REXO5: variants seen among roughly 807,000 people sequenced by gnomAD.
The protein encoded by REXO5 is exonuclease NEF-sp.
Under a neutral mutation model 88.5 loss-of-function variants are expected in REXO5, and 48 were observed. That is an observed-to-expected ratio of 0.54 (90% CI 0.43 to 0.69). The LOEUF is 0.69. Among genes scored for constraint, REXO5 ranks in the 30% least tolerant of loss-of-function variants. The probability of loss-of-function intolerance (pLI) is 0.00; values close to 1 mark genes in which losing one functional copy is unlikely to be tolerated. For synonymous variants in REXO5, 311 were observed against 336.5 expected, an observed-to-expected ratio of 0.92 and a Z score of 0.83; for missense variants, 749 against 912.2, an observed-to-expected ratio of 0.82 and a Z score of 2.30.
At chr16:20,844,868 A>G in intron 17 of REXO5, 23 bp downstream of exon 17, 1 of 1,603,022 alleles carries the variant, frequency 6.2e-7, no homozygotes, top group Non-Finnish European at 8.5e-7. Flanking sequence ...TACTGAATGT[A>G]GCTTTGGGGA....
At chr16:20,846,381 G>A in intron 19 of REXO5, 42 bp downstream of exon 19, 2 of 1,437,212 alleles carry the variant, frequency 1.4e-6, no homozygotes, top group Non-Finnish European at 2.0e-6. Context: ...TCTGTCCCCT[G>A]GATTTCAGCT....
At chr16:20,811,223 C>T (rs748716568) in intron 2 of REXO5, among the ~76,000 whole-genome samples, 8 of 152,186 alleles carry the variant, frequency 5.3e-5, no homozygotes, top group East Asian at 1.9e-4. Context: ...GGTTACTCAC[C>T]GCCATATAGA....
chr16:20,845,228 A>G lies in REXO5; in HGVS notation c.2111A>G (p.Gln704Arg), dbSNP rs1364951855. Residue 704 changes from glutamine to arginine, a missense_variant, in exon 18 of 20, where the codon CAG (glutamine) becomes CGG (arginine). Coordinates refer to ENST00000261377, the MANE Select transcript of REXO5 (RefSeq NM_030941.3). ...CGTGTTGTACCTCCCCCCTTTGAAC[A>G]GGAGGCCTTGCAGGTGAGTGAGTGA... ...GLRVVPPPFE[Q>R]EALQTLKLDH... is the part of the protein sequence containing the mutation. 2 of 1,612,658 alleles carry G rather than the reference A, an allele frequency of 1.2e-6. No individual in the cohort carries two copies. Among genetic ancestry groups the G allele is most frequent in the Non-Finnish European group, 1.7e-6 (2 of 1,179,526 alleles).
At chr16:20,806,522 C>T (rs1195690115), upstream of REXO5, 3 of 1,535,744 alleles carry the variant, frequency 2.0e-6, no homozygotes, top group Non-Finnish European at 2.6e-6. Context: ...GGCTGAGGGG[C>T]GGTTGTTGTT....
At chr16:20,828,180 A>G (rs2081286204) in intron 10 of REXO5, among the ~76,000 whole-genome samples, 1 of 152,194 alleles carries the variant, frequency 6.6e-6, no homozygotes. Context: ...GGAGTCAGCC[A>G]GAAACTTTTT....
At chr16:20,825,195 C>T (rs2081242496) in intron 7 of REXO5, among the ~76,000 whole-genome samples, 1 of 152,098 alleles carries the variant, frequency 6.6e-6, no homozygotes, top group Admixed American at 6.5e-5. Context: ...TGCTTAAGTT[C>T]CCCTCGTGCT....
Position 20,832,999 on chromosome 16 carries a change from A to C in REXO5, c.1263-4A>C, listed in dbSNP as rs761996919. 30 of 1,610,980 alleles carry C rather than the reference A, an allele frequency of 1.9e-5. No homozygotes were observed. Among genetic ancestry groups the C allele is most frequent in the Middle Eastern group, 1.8e-4 (1 of 5,682 alleles). ...CTTACCTTAACTCTTCTACTTCTTT[A>C]TAGTGTTTTAGAATGCTTGGATTCA... On this transcript the variant is annotated splice_polypyrimidine_tract_variant and splice_region_variant and intron_variant, in intron 12 of 19. Transcript: ENST00000261377.
At chr16:20,813,466 C>T (rs1180935667) in intron 3 of REXO5, among the ~76,000 whole-genome samples, 164 bp downstream of exon 3, 1 of 151,408 alleles carries the variant, frequency 6.6e-6, no homozygotes, top group African/African-American at 2.4e-5. Flanking sequence ...TGATGGCTGC[C>T]AAGTGTTAAT....
chr16:20,807,130 T>G (rs2152497543), intron 2 of REXO5, 39 bp downstream of exon 2: 4 of 1,571,660 alleles, frequency 2.5e-6, no homozygotes, highest in South Asian at 1.2e-5. Flanking sequence ...CCCTAGGCGG[T>G]TTGGAGCTCC....
intron 2 of REXO5, 72 bp downstream of exon 2, chr16:20,807,163 C>CG: frequency 6.6e-7 from 1 of 1,519,782 alleles, no homozygotes; most frequent in South Asian, 1.3e-5. Flanking sequence ...CAACCGCCGT[C>CG]GGGGGCACTG....
In REXO5 at chr16:20,846,328, A is replaced by G. The variant is rs1342327770; in HGVS notation, c.2232A>G (p.Pro744=). Residue 744 remains proline, a synonymous_variant, in exon 19 of 20, where the codon CCA becomes CCG. Coordinates refer to ENST00000261377, the MANE Select transcript of REXO5 (RefSeq NM_030941.3). ...CPGTLCLILL[P]GTKSTHGSLS... is the part of the protein sequence containing the mutation. ...GCACTCTCTGCCTCATCCTGCTGCC[A>G]GGAACCAAGAGGTAAGGACTAGAAA... The G allele has an allele frequency of 6.2e-7, 1 of 1,612,804 alleles. No individual in the cohort carries two copies. Among genetic ancestry groups the G allele is most frequent in the Non-Finnish European group, 8.5e-7 (1 of 1,178,820 alleles).
Position 20,845,185 on chromosome 16 carries a change from A to G in REXO5, c.2068A>G (p.Thr690Ala). The change falls in exon 18 of 20, where the codon ACA (threonine) becomes GCA (alanine). Residue 690 changes from threonine to alanine, a missense_variant. Coordinates refer to ENST00000261377, the MANE Select transcript of REXO5 (RefSeq NM_030941.3). ...GCTCAGAGGCTTACCACCTGAATCA[A>G]CAAGGCTCCCAGGGCTTCGTGTTGT... ...AWLRGLPPESTRLPGLRVVPP... is the reference protein window; with the variant it reads ...AWLRGLPPESARLPGLRVVPP... 6.2e-7 allele frequency: 1 copy of G among 1,614,060 alleles called. No individual in the cohort carries two copies.
intron 11 of REXO5, among the ~76,000 whole-genome samples, chr16:20,830,354 T>G (rs1478578392): frequency 7.1e-6 from 1 of 141,684 alleles, no homozygotes; most frequent in Admixed American, 7.0e-5. Flanking sequence ...ACCTTGCTAA[T>G]TTTTTTTTTT....
chr16:20,815,509 T>G (rs1427522567), intron 4 of REXO5, among the ~76,000 whole-genome samples: 1 of 150,740 alleles, frequency 6.6e-6, no homozygotes, highest in African/African-American at 2.4e-5. Context: ...GCATTTGAGT[T>G]GGTGAGCCCT....
chr16:20,845,143 A>G lies in REXO5; in HGVS notation c.2026A>G (p.Arg676Gly), dbSNP rs751526122. ...GAAAGGCAGGCATGCCCTAACCCCC[A>G]GGCACCTCCATGCCTGGCTCAGAGG... is the stretch of plus-strand genomic sequence containing the variant. ...KLKGRHALTPRHLHAWLRGLP... is the reference protein window; with the variant it reads ...KLKGRHALTPGHLHAWLRGLP... The change falls in exon 18 of 20, where the codon AGG becomes GGG. Residue 676 changes from arginine (R) to glycine (G), a missense_variant. Arg to Gly is a moderately radical substitution (Grantham distance 125, BLOSUM62 -2). Coordinates refer to ENST00000261377, the MANE Select transcript of REXO5 (RefSeq NM_030941.3). 1.2e-6 allele frequency: 2 copies of G among 1,614,168 alleles called. No homozygotes were observed. The highest frequency in any genetic ancestry group is 4.5e-5 in the East Asian group (2 of 44,884).
rs1313244807 is a variant in REXO5 at position 20,825,959 on chromosome 16, C to T, written c.821+11C>T. The T allele has an allele frequency of 1.9e-6, 3 of 1,563,652 alleles. No homozygotes were observed. Among genetic ancestry groups the T allele is most frequent in the African/African-American group, 1.3e-5 (1 of 74,092 alleles). ...GGACTACCTCACCAGGTATTTTTCACCTTGCCTGCAGCTCTTCTAAGAGCT... is the reference window on the plus strand; with the variant it reads ...GGACTACCTCACCAGGTATTTTTCATCTTGCCTGCAGCTCTTCTAAGAGCT... On this transcript the variant is annotated intron_variant, in intron 8 of 19. Coordinates refer to ENST00000261377, the MANE Select transcript of REXO5 (RefSeq NM_030941.3).
At chr16:20,844,604 A>G (rs2081578590) in intron 16 of REXO5, 25 bp from the exon 17 acceptor site, 2 of 1,607,670 alleles carry the variant, frequency 1.2e-6, no homozygotes, top group Non-Finnish European at 1.7e-6. Flanking sequence ...ATTTTCTACC[A>G]CTAACACCAA....
At chr16:20,826,973 A>T (rs1043627424) in intron 8 of REXO5, 85 bp from the exon 9 acceptor site, 24 of 1,406,922 alleles carry the variant, frequency 1.7e-5, no homozygotes, top group Middle Eastern at 3.8e-4. Context: ...CAGTAATTTT[A>T]AAAAATGTTA....
At chr16:20,814,364 G>A (rs556563001) in intron 3 of REXO5, among the ~76,000 whole-genome samples, 102 of 152,226 alleles carry the variant, frequency 6.7e-4, no homozygotes, top group African/African-American at 2.4e-3. Context: ...AGCCTCCAGA[G>A]TAGCTAGGAT....
Sources: gnomAD v4.1 joint callset for allele counts (sites outside exome capture counted in the v4.1 genomes callset) on GRCh38, gnomAD v4.1.1 for gene constraint, MANE v1.5 for transcripts, NCBI Gene and HGNC (gene_info 2026-07-23, HGNC 2026-07-21) for gene names.